The following HFM1 variants were observed in gnomAD, a reference collection of about 807,000 sequenced individuals.
The protein encoded by HFM1 is helicase for meiosis 1, also known as probable ATP-dependent DNA helicase HFM1.
Under a neutral mutation model 192.1 loss-of-function variants are expected in HFM1, and 169 were observed. The ratio of observed to expected loss-of-function variants is 0.88; its 90% confidence interval spans 0.78 to 1.00. The LOEUF (loss-of-function observed/expected upper bound fraction) is 1.00, where lower values mean the gene tolerates loss of function less well. Ranked by LOEUF, HFM1 falls within the 50% of genes least tolerant of loss-of-function variation. The pLI is 0.00. For synonymous variants in HFM1, 525 were observed against 537.8 expected (o/e 0.98, Z 0.33); for missense variants, 1,661 against 1,668.0 (o/e 1.00, Z 0.07).
At chr1:91,400,038 T>C (rs1664114511) in intron 2 of HFM1, among the ~76,000 whole-genome samples, 1 of 152,236 alleles carries the variant, frequency 6.6e-6, no homozygotes, top group South Asian at 2.1e-4. Context: ...AACTAGATTT[T>C]AAGTACTTTG....
chr1:91,328,551 G>A, intron 20 of HFM1: 1 of 1,612,308 alleles, frequency 6.2e-7, no homozygotes, highest in Non-Finnish European at 8.5e-7. Context: ...AGAACGAGGA[G>A]GGTGAGACCA....
At chr1:91,319,244 A>T (rs773417975) in intron 24 of HFM1, 35 bp from the exon 25 acceptor site, 1 of 1,604,922 alleles carries the variant, frequency 6.2e-7, no homozygotes, top group African/African-American at 1.3e-5. Context: ...AATCTAATAT[A>T]CCAGTTTATT....
chr1:91,279,310 T>C (rs1667250049), intron 30 of HFM1, among the ~76,000 whole-genome samples: 1 of 152,196 alleles, frequency 6.6e-6, no homozygotes, highest in Admixed American at 6.5e-5. Flanking sequence ...CTGAAAGGCT[T>C]TGACTTTAAA....
intron 36 of HFM1, 68 bp downstream of exon 36, chr1:91,265,949 C>G: frequency 6.4e-7 from 1 of 1,556,412 alleles, no homozygotes; most frequent in South Asian, 1.2e-5. Context: ...AACTTGATCC[C>G]CATCTCCAAC....
chr1:91,370,542 C>A lies in HFM1; in HGVS notation c.1685+4816G>T, dbSNP rs556708371. ...AAGGCCTTTGACAAAATTCAACAAC[C>A]CTTCATGCTAAAAACTCTCAATAAA... On this transcript the variant is annotated intron_variant, in intron 13 of 38. Coordinates refer to ENST00000370425, the MANE Select transcript of HFM1 (RefSeq NM_001017975.6). 1.4e-4 allele frequency among the ~76,000 whole-genome samples: 22 copies of A among 152,112 alleles called. No homozygotes were observed. In the South Asian group the frequency reaches 2.5e-3, roughly 17 times the overall value.
At chr1:91,388,844 CAA>C (rs1662571526) in intron 4 of HFM1, among the ~76,000 whole-genome samples, 2 of 152,000 alleles carry the variant, frequency 1.3e-5, no homozygotes, top group Non-Finnish European at 2.9e-5. Flanking sequence ...AGAACACCAT[CAA>C]AAAAGTGAAA....
chr1:91,268,118 C>A (rs1185983711), intron 34 of HFM1, among the ~76,000 whole-genome samples: 1 of 151,998 alleles, frequency 6.6e-6, no homozygotes, highest in Non-Finnish European at 1.5e-5. Flanking sequence ...GGCATTGTGT[C>A]AAGCATTGTT....
At chr1:91,287,279 G>C (rs1282136370) in intron 30 of HFM1, among the ~76,000 whole-genome samples, 1 of 152,212 alleles carries the variant, frequency 6.6e-6, no homozygotes, top group Non-Finnish European at 1.5e-5. Flanking sequence ...GCTTTGAAGA[G>C]AGCAGTGGTT....
chr1:91,267,176 A>G (rs1047647518), intron 35 of HFM1, among the ~76,000 whole-genome samples: 8 of 152,174 alleles, frequency 5.3e-5, no homozygotes, highest in Non-Finnish European at 1.2e-4. Context: ...CCTTTCACTC[A>G]AAGAGCTAAT....
chr1:91,359,565 AAAAGG>A (rs1159924779), intron 13 of HFM1, among the ~76,000 whole-genome samples: 131 of 152,128 alleles, frequency 8.6e-4, no homozygotes, highest in African/African-American at 3.2e-3. Flanking sequence ...AAAAAAAAAA[AAAAGG>A]AAGAAGAAGA....
chr1:91,323,318 A>C (rs778833908), intron 21 of HFM1, 119 bp from the exon 22 acceptor site: 1 of 640,260 alleles, frequency 1.6e-6, no homozygotes, highest in African/African-American at 1.9e-5. Context: ...ATCAATGAAC[A>C]TAACAGAGTT....
intron 3 of HFM1, among the ~76,000 whole-genome samples, chr1:91,395,565 T>C (rs529373555): frequency 1.3e-5 from 2 of 151,978 alleles, no homozygotes; most frequent in East Asian, 3.9e-4. Context: ...GCAGTGGCTA[T>C]TCACAGACTC....
At chr1:91,397,885 G>A (rs1663853361) in intron 2 of HFM1, among the ~76,000 whole-genome samples, 1 of 152,136 alleles carries the variant, frequency 6.6e-6, no homozygotes, top group Non-Finnish European at 1.5e-5. Context: ...GCCAAAGAAG[G>A]GAAGCTCTTC....
At chr1:91,365,564 T>G (rs947543184) in intron 13 of HFM1, among the ~76,000 whole-genome samples, 2 of 152,090 alleles carry the variant, frequency 1.3e-5, no homozygotes, top group Admixed American at 6.6e-5. Context: ...GAAAATGAAT[T>G]CTGGGTACAT....
chr1:91,297,185 C>T (rs568212114), intron 30 of HFM1, among the ~76,000 whole-genome samples: 4 of 152,272 alleles, frequency 2.6e-5, no homozygotes, highest in African/African-American at 7.2e-5. Flanking sequence ...CACAGAGCCT[C>T]GCTCATTGCT....
At position 91,313,329 on chromosome 1, in the gene HFM1, GAATT is replaced by G. The variant is rs1262054921; in HGVS notation, c.3391+16_3391+19del. The G allele has an allele frequency of 6.9e-7, 1 of 1,441,126 alleles. No individual in the cohort carries two copies. The highest frequency in any genetic ancestry group is 2.3e-5 in the East Asian group (1 of 43,144). 89.3% of individuals were successfully genotyped at this position (1,441,126 alleles called of 1,614,324 possible). ...ATATCTTTGCTTTAATATAAAATAG[GAATT>G]AATACAGCTATTTACCTTTATTAGG... On this transcript the variant is annotated intron_variant, in intron 30 of 38. Transcript: ENST00000370425.
At chr1:91,302,414 C>T (rs1418599658) in intron 30 of HFM1, among the ~76,000 whole-genome samples, 2 of 151,896 alleles carry the variant, frequency 1.3e-5, no homozygotes, top group African/African-American at 4.8e-5. Context: ...ACCATTTGAC[C>T]CAACAATCCC....
chr1:91,288,057 G>A (rs916186288), intron 30 of HFM1, among the ~76,000 whole-genome samples: 28 of 151,808 alleles, frequency 1.8e-4, no homozygotes, highest in Middle Eastern at 3.4e-3. Context: ...TTAAAGTGAC[G>A]GGGAGAATGG....
intron 23 of HFM1, among the ~76,000 whole-genome samples, chr1:91,320,342 CT>C (rs1037554739): frequency 3.3e-5 from 5 of 152,188 alleles, no homozygotes; most frequent in South Asian, 4.2e-4. Flanking sequence ...AAACTATTCA[CT>C]TTTTTTGGCT....
Sources: allele counts gnomAD v4.1 joint callset (sites outside exome capture counted in the v4.1 genomes callset), GRCh38; gene constraint gnomAD v4.1.1; transcripts MANE v1.5; gene names NCBI Gene and HGNC (gene_info 2026-07-23, HGNC 2026-07-21).